The following DSCAM variants were observed in gnomAD, a reference collection of about 807,000 sequenced individuals.
DSCAM encodes DS cell adhesion molecule.
DSCAM carries 47 observed loss-of-function variants against 217.7 expected under a neutral mutation model. That is an observed-to-expected ratio of 0.22 (90% CI 0.17 to 0.28). DSCAM has a LOEUF of 0.28. Among genes scored for constraint, DSCAM ranks in the 10% least tolerant of loss-of-function variants. The pLI is 1.00. For missense variants in DSCAM, 2,080 were observed against 2,618.3 expected (o/e 0.79, Z 4.49); for synonymous variants, 1,056 against 1,015.3 (o/e 1.04, Z -0.76).
intron 1 of DSCAM, among the ~76,000 whole-genome samples, chr21:40,771,625 C>T (rs1271161308): frequency 6.6e-6 from 1 of 152,176 alleles, no homozygotes; most frequent in African/African-American, 2.4e-5. Flanking sequence ...TGGCTCATTT[C>T]CATCTTAACT....
chr21:40,693,083 G>C (rs1182382136), intron 2 of DSCAM, 127 bp from the exon 3 acceptor site: 6 of 1,095,568 alleles, frequency 5.5e-6, no homozygotes, highest in Non-Finnish European at 7.5e-6. Flanking sequence ...CTGGAAAACA[G>C]TTAAGATGCC....
chr21:40,708,312 G>T, intron 2 of DSCAM, 142 bp downstream of exon 2: 1 of 610,696 alleles, frequency 1.6e-6, no homozygotes, highest in Non-Finnish European at 2.5e-6. Context: ...AGACCTTAAA[G>T]AAGTCATCAG....
Position 40,676,343 on chromosome 21 carries a change from C to T in DSCAM, c.508+16467G>A, listed in dbSNP as rs562760086. On this transcript the variant is annotated intron_variant, in intron 3 of 32. Coordinates refer to ENST00000400454, the MANE Select transcript of DSCAM (RefSeq NM_001389.5). ...AGTCCTATCAAAGTCATGCATCAGG[C>T]CTCGCGGAGCCCAGAGGTTCTGCAT... is the stretch of plus-strand genomic sequence containing the variant. Among the ~76,000 whole-genome samples the T allele has an allele frequency of 8.8e-4, 134 of 152,290 alleles. 2 individuals carry two copies. The highest frequency in any genetic ancestry group is 8.0e-3 in the Admixed American group (122 of 15,300).
At chr21:40,140,842 C>A (rs150758767) in intron 18 of DSCAM, among the ~76,000 whole-genome samples, 3 of 152,000 alleles carry the variant, frequency 2.0e-5, no homozygotes, top group Admixed American at 6.6e-5. Flanking sequence ...CTGGAACCTC[C>A]ACAGGGACAG....
rs547270001 is a variant in DSCAM at position 40,234,738 on chromosome 21, G to A, written c.2356+41359C>T. ...AATGCATCCAGTTGCCAATTCTTTG[G>A]GTGGATATGTTTCTTTTTTTCTTTT... On this transcript the variant is annotated intron_variant, in intron 11 of 32. Coordinates refer to ENST00000400454, the MANE Select transcript of DSCAM (RefSeq NM_001389.5). Among the ~76,000 whole-genome samples the A allele has an allele frequency of 5.3e-5, 8 of 152,186 alleles. No homozygotes were observed. In the East Asian group the frequency reaches 1.5e-3, roughly 29 times the overall value.
chr21:40,350,935 C>T (rs2074624194), intron 5 of DSCAM, among the ~76,000 whole-genome samples: 1 of 115,920 alleles, frequency 8.6e-6, no homozygotes, highest in Admixed American at 1.2e-4. Context: ...GTCACCTAGG[C>T]TGGAGTGCAG....
chr21:40,208,364 G>C lies in DSCAM; in HGVS notation c.2357-19126C>G, dbSNP rs2146873295. On this transcript the variant is annotated intron_variant, in intron 11 of 32. Transcript: ENST00000400454. ...AGCTACCTGGGAGGCTGAGGCATGA[G>C]AATAGCTCGAGCCTGGGAAGCAGAC... Among the ~76,000 whole-genome samples the C allele has an allele frequency of 4.6e-5, 7 of 152,300 alleles. No homozygotes were observed. The South Asian group carries it at 1.5e-3, about 32-fold the overall frequency.
At chr21:40,445,570 T>A (rs1185942853) in intron 3 of DSCAM, among the ~76,000 whole-genome samples, 4 of 152,178 alleles carry the variant, frequency 2.6e-5, no homozygotes, top group African/African-American at 7.2e-5. Context: ...TTGCCCATCA[T>A]CACTTTCAGG....
chr21:40,451,074 G>A (rs1752274738), intron 3 of DSCAM, among the ~76,000 whole-genome samples: 1 of 152,150 alleles, frequency 6.6e-6, no homozygotes, highest in Non-Finnish European at 1.5e-5. Context: ...GGAGTTGGGG[G>A]CAGGAAGGCC....
chr21:40,201,186 C>A (rs1191629856), intron 11 of DSCAM, among the ~76,000 whole-genome samples: 1 of 152,036 alleles, frequency 6.6e-6, no homozygotes, highest in Non-Finnish European at 1.5e-5. Context: ...GCCCTTATGA[C>A]ATGATTGAAT....
At chr21:40,640,647 A>C (rs1041732043) in intron 3 of DSCAM, among the ~76,000 whole-genome samples, 1 of 152,164 alleles carries the variant, frequency 6.6e-6, no homozygotes, top group African/African-American at 2.4e-5. Flanking sequence ...AGGCTCTGGG[A>C]GCGCAGGTAA....
chr21:40,566,507 C>G (rs2076765769), intron 3 of DSCAM, among the ~76,000 whole-genome samples: 2 of 152,244 alleles, frequency 1.3e-5, no homozygotes, highest in African/African-American at 4.8e-5. Context: ...CACCGCTACT[C>G]ACCACCCAAC....
chr21:40,777,219 G>A (rs185960880), intron 1 of DSCAM, among the ~76,000 whole-genome samples: 71 of 152,182 alleles, frequency 4.7e-4, no homozygotes, highest in African/African-American at 1.2e-3. Context: ...ATAAGGGCTC[G>A]AATTCCACTG....
chr21:40,183,275 T>C (rs2090857608), intron 14 of DSCAM, among the ~76,000 whole-genome samples: 1 of 152,060 alleles, frequency 6.6e-6, no homozygotes, highest in Non-Finnish European at 1.5e-5. Flanking sequence ...CTCGAAGGGA[T>C]GTTAAAGGTG....
At chr21:40,328,969 T>C (rs1420381095) in intron 8 of DSCAM, among the ~76,000 whole-genome samples, 3 of 152,130 alleles carry the variant, frequency 2.0e-5, no homozygotes, top group African/African-American at 4.8e-5. Context: ...GAGGTTATCA[T>C]CTCACACATG....
At chr21:40,143,730 G>A (rs1353573560) in intron 17 of DSCAM, among the ~76,000 whole-genome samples, 1 of 152,206 alleles carries the variant, frequency 6.6e-6, no homozygotes, top group African/African-American at 2.4e-5. Context: ...GGCGGAGCTT[G>A]CAGCGAGCCA....
At chr21:40,225,469 C>T (rs911013925) in intron 11 of DSCAM, among the ~76,000 whole-genome samples, 1 of 152,138 alleles carries the variant, frequency 6.6e-6, no homozygotes, top group Non-Finnish European at 1.5e-5. Flanking sequence ...CACCTTCAAC[C>T]TTTAAGCCTT....
At chr21:40,565,873 C>T (rs568638050) in intron 3 of DSCAM, among the ~76,000 whole-genome samples, 1 of 152,290 alleles carries the variant, frequency 6.6e-6, no homozygotes, top group East Asian at 1.9e-4. Context: ...TCTTGTCACT[C>T]CTGTCATTTC....
intron 3 of DSCAM, among the ~76,000 whole-genome samples, chr21:40,438,605 C>T (rs545454078): frequency 6.6e-6 from 1 of 152,312 alleles, no homozygotes; most frequent in South Asian, 2.1e-4. Flanking sequence ...CCTATCATTG[C>T]TGGTAATAGG....
Sources: gnomAD v4.1 joint callset for allele counts (sites outside exome capture counted in the v4.1 genomes callset) on GRCh38, gnomAD v4.1.1 for gene constraint, MANE v1.5 for transcripts, NCBI Gene and HGNC (gene_info 2026-07-23, HGNC 2026-07-21) for gene names.